The following ASIC2 variants were observed in gnomAD, a reference collection of about 807,000 sequenced individuals.
ASIC2 encodes acid sensing ion channel subunit 2, also known as acid-sensing ion channel 2.
ASIC2 carries 25 observed loss-of-function variants against 57.3 expected under a neutral mutation model. The observed-to-expected ratio is 0.44, with a 90% CI of 0.32 to 0.61. ASIC2 has a LOEUF of 0.61. ASIC2 is among the 20% of genes least tolerant of loss of function. The probability of loss-of-function intolerance (pLI) is 0.06; values close to 1 mark genes in which losing one functional copy is unlikely to be tolerated. For synonymous variants in ASIC2, 319 were observed against 307.5 expected, an observed-to-expected ratio of 1.04 and a Z score of -0.39; for missense variants, 641 against 738.1, an observed-to-expected ratio of 0.87 and a Z score of 1.52.
chr17:33,672,478 C>T (rs1907670132), intron 1 of ASIC2, among the ~76,000 whole-genome samples: 1 of 151,630 alleles, frequency 6.6e-6, no homozygotes, highest in African/African-American at 2.4e-5. Flanking sequence ...CCAAACATGT[C>T]TGAGATTTTT....
At chr17:33,933,023 T>A (rs1488859522) in intron 1 of ASIC2, among the ~76,000 whole-genome samples, 1 of 152,198 alleles carries the variant, frequency 6.6e-6, no homozygotes, top group African/African-American at 2.4e-5. Flanking sequence ...TCAAGACCTC[T>A]GAGGTCTCTA....
At chr17:33,164,068 C>A (rs150642343) in intron 1 of ASIC2, among the ~76,000 whole-genome samples, 80 of 152,334 alleles carry the variant, frequency 5.3e-4, no homozygotes, top group African/African-American at 1.8e-3. Context: ...GATCCCAAAG[C>A]ACACATGTCC....
intron 1 of ASIC2, among the ~76,000 whole-genome samples, chr17:33,338,869 C>A (rs1303476554): frequency 6.6e-6 from 1 of 152,124 alleles, no homozygotes; most frequent in Non-Finnish European, 1.5e-5. Context: ...TTATATGTAG[C>A]ATCTAGAGTA....
intron 1 of ASIC2, among the ~76,000 whole-genome samples, chr17:33,864,249 A>C (rs1229311549): frequency 2.0e-5 from 3 of 152,208 alleles, no homozygotes; most frequent in Non-Finnish European, 4.4e-5. Flanking sequence ...TTTACCATTT[A>C]TGTGGTGATT....
At position 33,173,908 on chromosome 17, in the gene ASIC2, C is replaced by T. The variant is rs941876417; in HGVS notation, c.709-61841G>A. Among the ~76,000 whole-genome samples, 6 of 152,292 alleles carry T rather than the reference C, an allele frequency of 3.9e-5. No homozygotes were observed. In the South Asian group the frequency reaches 6.2e-4, roughly 16 times the overall value. The stretch of plus-strand genomic sequence containing the variant: ...GCCTCTGTTGGCTAATTCCTGTGTT[C>T]CAGGCAATCAGATGAGAGTAGCCTT... On this transcript the variant is annotated intron_variant, in intron 1 of 9. Transcript: ENST00000225823.
chr17:34,021,561 G>A (rs556358783), intron 1 of ASIC2, among the ~76,000 whole-genome samples: 1 of 152,172 alleles, frequency 6.6e-6, no homozygotes, highest in Non-Finnish European at 1.5e-5. Context: ...CAGACCCAGT[G>A]TCCACCTGAG....
chr17:33,968,665 T>G (rs1413260140), intron 1 of ASIC2, among the ~76,000 whole-genome samples: 1 of 152,228 alleles, frequency 6.6e-6, no homozygotes, highest in Non-Finnish European at 1.5e-5. Context: ...TCAGCTCCGT[T>G]GGGCTTCTGG....
intron 1 of ASIC2, among the ~76,000 whole-genome samples, chr17:33,404,357 A>C (rs1469377843): frequency 6.6e-6 from 1 of 152,180 alleles, no homozygotes; most frequent in Non-Finnish European, 1.5e-5. Flanking sequence ...GCCGTCCAAA[A>C]AACAAACAAA....
chr17:34,044,102 A>T (rs930763139), intron 1 of ASIC2, among the ~76,000 whole-genome samples: 2 of 137,034 alleles, frequency 1.5e-5, no homozygotes, highest in East Asian at 2.0e-4. Context: ...CCCTTGAATC[A>T]CACACACACA....
chr17:33,445,183 CT>C (rs1399435890), intron 1 of ASIC2, among the ~76,000 whole-genome samples: 2 of 152,194 alleles, frequency 1.3e-5, no homozygotes, highest in Non-Finnish European at 2.9e-5. Flanking sequence ...ACACCTAGCA[CT>C]TTGGGAGGCC....
At chr17:33,627,961 C>T (rs886455217) in intron 1 of ASIC2, among the ~76,000 whole-genome samples, 3 of 151,954 alleles carry the variant, frequency 2.0e-5, no homozygotes, top group Non-Finnish European at 4.4e-5. Context: ...ACCTGGGAGG[C>T]GGAGCTTGCA....
chr17:33,951,730 G>A (rs1270367832), intron 1 of ASIC2, among the ~76,000 whole-genome samples: 1 of 150,286 alleles, frequency 6.7e-6, no homozygotes, highest in East Asian at 2.0e-4. Context: ...CTACAGGCGT[G>A]TGCCACCACG....
At chr17:33,503,995 G>T (rs955983810) in intron 1 of ASIC2, among the ~76,000 whole-genome samples, 1 of 152,362 alleles carries the variant, frequency 6.6e-6, no homozygotes. Context: ...AGGAAATGCA[G>T]CTGGAGCTGG....
intron 1 of ASIC2, among the ~76,000 whole-genome samples, chr17:33,707,536 T>G (rs944610404): frequency 3.9e-5 from 6 of 152,222 alleles, no homozygotes; most frequent in Non-Finnish European, 4.4e-5. Context: ...TAGGAGAAAT[T>G]TTATTTGTTA....
At chr17:34,099,873 A>C (rs1910796587) in intron 1 of ASIC2, among the ~76,000 whole-genome samples, 1 of 152,246 alleles carries the variant, frequency 6.6e-6, no homozygotes, top group Non-Finnish European at 1.5e-5. Flanking sequence ...ACTGGAAGGT[A>C]GAATACATGG....
chr17:33,497,082 C>G (rs906467045), intron 1 of ASIC2, among the ~76,000 whole-genome samples: 2 of 152,216 alleles, frequency 1.3e-5, no homozygotes, highest in Non-Finnish European at 2.9e-5. Context: ...GGCAGGGGTA[C>G]TGCTTAGGCC....
intron 1 of ASIC2, among the ~76,000 whole-genome samples, chr17:33,361,870 G>T (rs1320112448): frequency 1.3e-5 from 2 of 152,154 alleles, no homozygotes; most frequent in Non-Finnish European, 2.9e-5. Flanking sequence ...GCCTTCCTCT[G>T]TGTATCTGGC....
At chr17:33,880,433 T>C (rs572125781) in intron 1 of ASIC2, among the ~76,000 whole-genome samples, 1 of 152,160 alleles carries the variant, frequency 6.6e-6, no homozygotes, top group Non-Finnish European at 1.5e-5. Context: ...ATATCACCAC[T>C]GATCCCGCAG....
chr17:33,066,131 C>T (rs956669267), intron 3 of ASIC2, among the ~76,000 whole-genome samples: 2 of 152,162 alleles, frequency 1.3e-5, no homozygotes, highest in Non-Finnish European at 2.9e-5. Context: ...GTCCTTTCCC[C>T]GTGGCAGCTG....
Sources: allele counts gnomAD v4.1 joint callset (sites outside exome capture counted in the v4.1 genomes callset), GRCh38; gene constraint gnomAD v4.1.1; transcripts MANE v1.5; gene names NCBI Gene and HGNC (gene_info 2026-07-23, HGNC 2026-07-21).